The following AUH variants were observed in gnomAD, a reference collection of about 807,000 sequenced individuals.
The protein encoded by AUH is methylglutaconyl-CoA hydratase, mitochondrial.
In AUH, 29 loss-of-function variants were observed where a neutral mutation model predicts 42.3. That is an observed-to-expected ratio of 0.69 (90% confidence interval 0.51 to 0.93). The LOEUF is 0.93. AUH is among the 40% of genes least tolerant of loss of function. The pLI is 0.00. For missense variants in AUH, 452 were observed against 438.1 expected, an observed-to-expected ratio of 1.03 and a Z score of -0.28; for synonymous variants, 174 against 166.4, an observed-to-expected ratio of 1.05 and a Z score of -0.35.
rs1054413572 is a variant in AUH, at chr9:91,219,026, C to T, written c.844-1699G>A. 5.1e-6 allele frequency: 5 copies of T among 985,330 alleles called. No homozygotes were observed. In the African/African-American group the frequency reaches 8.7e-5, roughly 17 times the overall value. The allele number at this position is 985,330 out of a possible 1,614,324, so 61.0% of individuals were successfully genotyped here. A position where few individuals can be genotyped will look rare whatever the true frequency, so the allele number is the denominator to read the frequency against. Reference sequence around the variant, plus strand: ...TCCTTCCAATGAAAGGTGACAAAGGCACATGCACAGGGACTGTGATGACGG... The same window carrying T: ...TCCTTCCAATGAAAGGTGACAAAGGTACATGCACAGGGACTGTGATGACGG... On this transcript the variant is annotated intron_variant, in intron 7 of 9. Transcript: ENST00000375731.
intron 3 of AUH, among the ~76,000 whole-genome samples, chr9:91,328,500 C>T (rs567280696): frequency 3.9e-5 from 6 of 152,070 alleles, no homozygotes; most frequent in African/African-American, 7.2e-5. Context: ...ATAAACTGGT[C>T]GGGTAAAGAG....
At chr9:91,310,728 T>C (rs1828637197) in intron 4 of AUH, among the ~76,000 whole-genome samples, 2 of 152,138 alleles carry the variant, frequency 1.3e-5, no homozygotes, top group South Asian at 2.1e-4. Flanking sequence ...CATGCTGAAA[T>C]ATAATGGAAC....
intron 3 of AUH, among the ~76,000 whole-genome samples, chr9:91,346,019 T>A (rs1236115201): frequency 1.3e-5 from 2 of 151,844 alleles, no homozygotes; most frequent in Non-Finnish European, 2.9e-5. Context: ...ATAAAAAAAA[T>A]ACTTCGTCGT....
intron 6 of AUH, among the ~76,000 whole-genome samples, chr9:91,232,853 T>C (rs1202551242): frequency 3.3e-5 from 5 of 152,354 alleles, no homozygotes; most frequent in East Asian, 1.9e-4. Context: ...ACTAACCCAC[T>C]GCTCTAAAAC....
chr9:91,254,895 C>T (rs1251940800), intron 6 of AUH, among the ~76,000 whole-genome samples: 1 of 152,096 alleles, frequency 6.6e-6, no homozygotes, highest in Admixed American at 6.5e-5. Context: ...TGGGAGTAAC[C>T]TACCTTTTAG....
chr9:91,304,665 T>A (rs914008749), intron 4 of AUH, among the ~76,000 whole-genome samples: 6 of 152,202 alleles, frequency 3.9e-5, no homozygotes, highest in Non-Finnish European at 7.3e-5. Context: ...TCTCAAATCA[T>A]TAAATAGGTT....
At chr9:91,234,422 G>A (rs1828064490) in intron 6 of AUH, among the ~76,000 whole-genome samples, 1 of 152,128 alleles carries the variant, frequency 6.6e-6, no homozygotes, top group Admixed American at 6.5e-5. Context: ...TCCAGTTTGT[G>A]CTCTAAGCTT....
chr9:91,245,219 G>C (rs111684184), intron 6 of AUH, among the ~76,000 whole-genome samples: 1 of 152,064 alleles, frequency 6.6e-6, no homozygotes, highest in Non-Finnish European at 1.5e-5. Context: ...CTGGAACCAC[G>C]GCCCACCCCA....
At chr9:91,255,285 G>A (rs10991844) in intron 6 of AUH, among the ~76,000 whole-genome samples, 11,086 of 152,194 alleles carry the variant, frequency 0.073, 709 homozygotes, top group East Asian at 0.26. Flanking sequence ...CTCTAAGAGC[G>A]ATCATCCATA....
At chr9:91,216,018 G>A (rs1281106760) in intron 9 of AUH, 41 bp downstream of exon 9, 6 of 1,564,788 alleles carry the variant, frequency 3.8e-6, no homozygotes, top group African/African-American at 1.4e-5. Context: ...AATATAATTT[G>A]TAAGGGTCAT....
At chr9:91,324,898 T>G (rs2131857738) in intron 4 of AUH, among the ~76,000 whole-genome samples, 1 of 151,970 alleles carries the variant, frequency 6.6e-6, no homozygotes, top group East Asian at 1.9e-4. Flanking sequence ...TAATATAAAA[T>G]TTTGGATAAG....
intron 6 of AUH, among the ~76,000 whole-genome samples, chr9:91,262,544 A>G (rs1048189213): frequency 1.3e-4 from 20 of 152,228 alleles, no homozygotes; most frequent in African/African-American, 4.3e-4. Context: ...CCCTATTTCA[A>G]TAACAGCTAT....
intron 4 of AUH, among the ~76,000 whole-genome samples, chr9:91,313,417 C>T (rs1828862798): frequency 6.6e-6 from 1 of 152,114 alleles, no homozygotes; most frequent in East Asian, 1.9e-4. Flanking sequence ...AGAAAATGAA[C>T]AAACTTGGCC....
chr9:91,253,744 T>G (rs1295279304), intron 6 of AUH, among the ~76,000 whole-genome samples: 1 of 152,230 alleles, frequency 6.6e-6, no homozygotes, highest in Non-Finnish European at 1.5e-5. Context: ...GGGCTCCATG[T>G]GAATTAACAC....
intron 3 of AUH, among the ~76,000 whole-genome samples, chr9:91,336,445 C>T (rs1830693606): frequency 6.6e-6 from 1 of 152,046 alleles, no homozygotes; most frequent in Non-Finnish European, 1.5e-5. Flanking sequence ...GTCTGGCTAA[C>T]ATGGCAAAAC....
chr9:91,296,545 T>G (rs572441090), intron 5 of AUH, among the ~76,000 whole-genome samples: 1 of 152,304 alleles, frequency 6.6e-6, no homozygotes, highest in East Asian at 1.9e-4. Flanking sequence ...GACAAATAGT[T>G]TTACTATTCT....
intron 6 of AUH, among the ~76,000 whole-genome samples, chr9:91,265,277 AT>A (rs57781691): frequency 0.031 from 4,203 of 133,844 alleles, 77 homozygotes; most frequent in East Asian, 0.074. Flanking sequence ...TTGCTCTTGC[AT>A]TTTTTTTTTT....
At chr9:91,317,776 G>A (rs1426164217) in intron 4 of AUH, among the ~76,000 whole-genome samples, 2 of 152,184 alleles carry the variant, frequency 1.3e-5, no homozygotes, top group Non-Finnish European at 1.5e-5. Flanking sequence ...GATACCTTTC[G>A]TCAGGCTAAG....
chr9:91,336,000 C>T (rs1262256484), intron 3 of AUH, among the ~76,000 whole-genome samples: 1 of 152,164 alleles, frequency 6.6e-6, no homozygotes, highest in Non-Finnish European at 1.5e-5. Context: ...AGGTATATTA[C>T]ATTAACCCTC....
Sources: gnomAD v4.1 joint callset for allele counts (sites outside exome capture counted in the v4.1 genomes callset) on GRCh38, gnomAD v4.1.1 for gene constraint, MANE v1.5 for transcripts, NCBI Gene and HGNC (gene_info 2026-07-23, HGNC 2026-07-21) for gene names.